MAEL: variants seen among roughly 807,000 people sequenced by gnomAD.
The protein encoded by MAEL is protein maelstrom homolog.
Under a neutral mutation model 62.0 loss-of-function variants are expected in MAEL, and 46 were observed. That is an observed-to-expected ratio of 0.74 (90% CI 0.59 to 0.95). The LOEUF (loss-of-function observed/expected upper bound fraction) is 0.95. Ranked by LOEUF, MAEL falls within the 40% of genes least tolerant of loss-of-function variation. The probability of loss-of-function intolerance (pLI) is 0.00; values close to 1 mark genes in which losing one functional copy is unlikely to be tolerated. For missense variants in MAEL, 497 were observed against 526.8 expected (o/e 0.94, Z 0.55); for synonymous variants, 172 against 175.5 (o/e 0.98, Z 0.16).
chr1:166,994,058 G>A lies in MAEL; in HGVS notation c.512G>A (p.Cys171Tyr). Residue 171 changes from cysteine (C) to tyrosine (Y), a missense_variant, in exon 5 of 12, where the codon TGT (cysteine) becomes TAT (tyrosine). By Grantham distance (194) the Cys-to-Tyr change is radical (BLOSUM62 -2). Transcript: ENST00000367872. ...ATTCCACGAGGATTTCGATTTCATT[G>A]TCAGGCTGCAAGTAAGTATAAAGGA... is the stretch of plus-strand genomic sequence containing the variant. ...GEIPRGFRFH[C>Y]QAASDSSHKI... is the part of the protein sequence containing the mutation. The A allele has an allele frequency of 1.2e-6, 2 of 1,613,190 alleles. No homozygotes were observed. Among genetic ancestry groups the A allele is most frequent in the South Asian group, 2.2e-5 (2 of 90,914 alleles).
intron 3 of MAEL, among the ~76,000 whole-genome samples, chr1:166,991,939 T>C (rs144810336): frequency 1.3e-5 from 2 of 152,334 alleles, no homozygotes; most frequent in African/African-American, 4.8e-5. Context: ...CCACAATGTA[T>C]ACATGTATCA....
chr1:166,981,671 G>A (rs1208769090), intron 1 of MAEL, among the ~76,000 whole-genome samples: 1 of 152,114 alleles, frequency 6.6e-6, no homozygotes, highest in African/African-American at 2.4e-5. Context: ...AACATCATCT[G>A]GACAGAATTT....
At chr1:167,012,382 C>T (rs1260080834) in intron 8 of MAEL, 2 of 152,118 alleles carry the variant, frequency 1.3e-5, no homozygotes, top group Non-Finnish European at 2.9e-5. Context: ...CCCTAGTCTC[C>T]TGATGCTTCT....
intron 8 of MAEL, 65 bp from the exon 9 acceptor site, chr1:167,016,157 G>A: frequency 7.6e-7 from 1 of 1,319,256 alleles, no homozygotes; most frequent in Non-Finnish European, 1.1e-6. Context: ...ATAGAAATCT[G>A]GCATATAAAA....
At chr1:166,976,750 C>T (rs1052431193) in intron 1 of MAEL, among the ~76,000 whole-genome samples, 14 of 152,140 alleles carry the variant, frequency 9.2e-5, no homozygotes, top group Admixed American at 4.6e-4. Context: ...CAGACAGACT[C>T]CACACCTAAG....
intron 5 of MAEL, among the ~76,000 whole-genome samples, chr1:167,003,207 C>A (rs1046719178): frequency 3.9e-5 from 6 of 152,152 alleles, no homozygotes; most frequent in African/African-American, 1.4e-4. Flanking sequence ...GTCTCAGCCT[C>A]CCAAGTAGCT....
intron 2 of MAEL, 77 bp from the exon 3 acceptor site, chr1:166,991,301 A>C: frequency 1.2e-6 from 1 of 855,006 alleles, no homozygotes; most frequent in African/African-American, 1.7e-5. Flanking sequence ...TTTTGCAGTT[A>C]TTTAGCTAAA....
chr1:167,019,190 G>A (rs1373353706), intron 10 of MAEL, among the ~76,000 whole-genome samples: 1 of 152,030 alleles, frequency 6.6e-6, no homozygotes, highest in Admixed American at 6.6e-5. Flanking sequence ...GGCATTTAGT[G>A]GATAAAGGCC....
Position 167,005,076 on chromosome 1 carries a change from T to C in MAEL, c.649T>C (p.Ser217Pro). The C allele has an allele frequency of 6.2e-7, 1 of 1,613,270 alleles. No individual in the cohort carries two copies. The highest frequency in any genetic ancestry group is 8.5e-7 in the Non-Finnish European group (1 of 1,179,626). Residue 217 changes from serine (S) to proline (P), a missense_variant and splice_region_variant, in exon 7 of 12, where the codon TCT becomes CCT. Physicochemically the swap from Ser to Pro is moderately conservative, Grantham distance 74 (BLOSUM62 -1). Transcript: ENST00000367872. ...PGNWPPIYCK[S>P]DDRTRVNWCL... ...GTTTTTTGTTTTTTGCTTTCTCCAG[T>C]CTGATGATAGAACCAGAGTCAACTG...
At chr1:166,995,439 A>G (rs747426457) in intron 5 of MAEL, among the ~76,000 whole-genome samples, 10 of 151,968 alleles carry the variant, frequency 6.6e-5, no homozygotes, top group Non-Finnish European at 1.2e-4. Context: ...GGGTTTCTCC[A>G]TGTTGATCAG....
rs1557981361 is a variant in MAEL at position 167,005,246 on chromosome 1, C to G, written c.704-10C>G. 1 of 1,610,714 alleles carries G rather than the reference C, an allele frequency of 6.2e-7. No individual in the cohort carries two copies. Among genetic ancestry groups the G allele is most frequent in the Admixed American group, 1.7e-5 (1 of 59,536 alleles). On this transcript the variant is annotated splice_polypyrimidine_tract_variant and intron_variant, in intron 7 of 11. Coordinates refer to ENST00000367872, the MANE Select transcript of MAEL (RefSeq NM_032858.3). The stretch of plus-strand genomic sequence containing the variant: ...CTAATTGTATGTGTTTTTCCATTTA[C>G]TAATGGAAGAAATCAGGCAAGATCT...
chr1:167,004,144 C>A, intron 5 of MAEL, 36 bp from the exon 6 acceptor site: 1 of 1,581,224 alleles, frequency 6.3e-7, no homozygotes. Context: ...ATTTATCTTG[C>A]TCAAAGTTTG....
chr1:166,976,513 T>C (rs1224190214), intron 1 of MAEL, among the ~76,000 whole-genome samples: 3 of 151,988 alleles, frequency 2.0e-5, no homozygotes, highest in Non-Finnish European at 2.9e-5. Flanking sequence ...CTTGGGAACA[T>C]AGAGGAAGGA....
intron 8 of MAEL, among the ~76,000 whole-genome samples, chr1:167,010,783 A>C (rs181136862): frequency 7.2e-5 from 11 of 152,198 alleles, no homozygotes; most frequent in Admixed American, 7.2e-4. Context: ...TCTTCCCATA[A>C]TAGCTTTCTG....
chr1:167,010,449 T>C (rs1292049727), intron 8 of MAEL, among the ~76,000 whole-genome samples: 1 of 152,094 alleles, frequency 6.6e-6, no homozygotes, highest in East Asian at 1.9e-4. Context: ...TTCTTTTCTT[T>C]TCTTTTCTTT....
At chr1:167,012,388 C>T (rs1459992893) in intron 8 of MAEL, 1 of 152,164 alleles carries the variant, frequency 6.6e-6, no homozygotes, top group African/African-American at 2.4e-5. Flanking sequence ...TCTCCTGATG[C>T]TTCTTGTCAT....
intron 8 of MAEL, among the ~76,000 whole-genome samples, chr1:167,011,476 C>T (rs1361783039): frequency 4.6e-5 from 7 of 152,068 alleles, no homozygotes; most frequent in African/African-American, 1.7e-4. Flanking sequence ...ATTCATTGTC[C>T]ATGTTTTTAT....
Position 166,994,084 on chromosome 1 carries a change from A to C in MAEL, c.523+15A>C. 6.2e-7 allele frequency: 1 copy of C among 1,609,972 alleles called. No individual in the cohort carries two copies. Among genetic ancestry groups the C allele is most frequent in the Non-Finnish European group, 8.5e-7 (1 of 1,177,310 alleles). Reference sequence around the variant, plus strand: ...TCAGGCTGCAAGTAAGTATAAAGGAATGGGGTAGGATTTGTGACTTGAATC... The same window carrying C: ...TCAGGCTGCAAGTAAGTATAAAGGACTGGGGTAGGATTTGTGACTTGAATC... On this transcript the variant is annotated intron_variant, in intron 5 of 11. Coordinates refer to ENST00000367872, the MANE Select transcript of MAEL (RefSeq NM_032858.3).
upstream of MAEL, among the ~76,000 whole-genome samples, chr1:166,988,116 T>C (rs1002536976): frequency 1.3e-5 from 2 of 152,036 alleles, no homozygotes; most frequent in East Asian, 1.9e-4. Context: ...CTGGGAGGCC[T>C]AGGCAGGCAG....
Sources: gnomAD v4.1 joint callset for allele counts (sites outside exome capture counted in the v4.1 genomes callset) on GRCh38, gnomAD v4.1.1 for gene constraint, MANE v1.5 for transcripts, NCBI Gene and HGNC (gene_info 2026-07-23, HGNC 2026-07-21) for gene names.